RAVER2: variants seen among roughly 807,000 people sequenced by gnomAD.
RAVER2 encodes the protein ribonucleoprotein, PTB binding 2.
Under a neutral mutation model 78.1 loss-of-function variants are expected in RAVER2, and 46 were observed. That is an observed-to-expected ratio of 0.59 (90% CI 0.46 to 0.75). The LOEUF (loss-of-function observed/expected upper bound fraction) is 0.75, where lower values mean the gene tolerates loss of function less well. Among genes scored for constraint, RAVER2 ranks in the 30% least tolerant of loss-of-function variants. RAVER2 has a pLI of 0.00. For missense variants in RAVER2, 793 were observed against 837.5 expected (o/e 0.95, Z 0.66); for synonymous variants, 311 against 313.3 (o/e 0.99, Z 0.08).
intron 1 of RAVER2, among the ~76,000 whole-genome samples, chr1:64,754,296 T>G (rs768395746): frequency 4.6e-5 from 7 of 152,202 alleles, no homozygotes; most frequent in Non-Finnish European, 7.3e-5. Flanking sequence ...CCCATTGTAT[T>G]ATAATTCCTC....
At chr1:64,794,612 T>G (rs1653045169) in intron 5 of RAVER2, among the ~76,000 whole-genome samples, 1 of 152,132 alleles carries the variant, frequency 6.6e-6, no homozygotes, top group African/African-American at 2.4e-5. Context: ...ATTTTGAGCT[T>G]CTTTTATTGT....
chr1:64,788,472 AAAAAAT>A (rs1268571489), intron 4 of RAVER2, among the ~76,000 whole-genome samples: 2 of 151,726 alleles, frequency 1.3e-5, no homozygotes, highest in African/African-American at 4.8e-5. Context: ...ACTCCGTCTC[AAAAAAT>A]AAAAATAAAA....
intron 11 of RAVER2, among the ~76,000 whole-genome samples, chr1:64,817,908 A>T (rs1333068465): frequency 2.6e-5 from 4 of 152,250 alleles, no homozygotes; most frequent in Admixed American, 2.6e-4. Flanking sequence ...TAATAAAAAA[A>T]AAACCTTGTG....
At chr1:64,812,477 A>G (rs895181391) in intron 9 of RAVER2, among the ~76,000 whole-genome samples, 23 of 152,012 alleles carry the variant, frequency 1.5e-4, no homozygotes, top group Admixed American at 8.5e-4. Context: ...GTGAAGATGA[A>G]TTCTTTCCTG....
At chr1:64,749,233 C>T (rs201047129) in intron 1 of RAVER2, among the ~76,000 whole-genome samples, 1 of 152,002 alleles carries the variant, frequency 6.6e-6, no homozygotes, top group African/African-American at 2.4e-5. Flanking sequence ...TTTTTTGAGA[C>T]GGATTCTCAC....
At chr1:64,759,131 C>T (rs1651938120) in intron 1 of RAVER2, among the ~76,000 whole-genome samples, 1 of 151,686 alleles carries the variant, frequency 6.6e-6, no homozygotes, top group Non-Finnish European at 1.5e-5. Flanking sequence ...AAGTGAGTTA[C>T]AAATTAGGTT....
intron 1 of RAVER2, among the ~76,000 whole-genome samples, chr1:64,748,146 T>TA (rs544879541): frequency 7.9e-5 from 12 of 151,950 alleles, no homozygotes; most frequent in Non-Finnish European, 1.3e-4. Context: ...GTACCGGCTC[T>TA]AAAAAAAAGT....
intron 10 of RAVER2, among the ~76,000 whole-genome samples, chr1:64,814,494 T>A (rs1358106377): frequency 6.6e-6 from 1 of 152,120 alleles, no homozygotes; most frequent in Non-Finnish European, 1.5e-5. Context: ...AAGACAGTAT[T>A]ATATACTTCT....
At chr1:64,833,128 A>C in exon 12 of RAVER2, 6 of 179,330 alleles carry the variant, frequency 3.3e-5, no homozygotes, top group East Asian at 9.3e-5. Flanking sequence ...ACCGTAACCC[A>C]CCCCTTCCTC....
intron 11 of RAVER2, among the ~76,000 whole-genome samples, chr1:64,826,561 A>C (rs1654007690): frequency 6.6e-6 from 1 of 152,162 alleles, no homozygotes; most frequent in Non-Finnish European, 1.5e-5. Context: ...ATGATGTCAC[A>C]GTGGGGTCGG....
intron 2 of RAVER2, among the ~76,000 whole-genome samples, chr1:64,773,560 T>C (rs1652379812): frequency 6.6e-6 from 1 of 152,236 alleles, no homozygotes; most frequent in Admixed American, 6.5e-5. Context: ...TGTGCCACAT[T>C]TTCTTAATCC....
Position 64,745,572 on chromosome 1 carries a change from G to C in RAVER2, c.249+151G>C. The C allele has an allele frequency of 9.0e-7, 1 of 1,113,878 alleles. No homozygotes were observed. The highest frequency in any genetic ancestry group is 3.4e-4 in the Middle Eastern group (1 of 2,916). The allele number at this position is 1,113,878 out of a possible 1,614,324, so 69.0% of individuals were successfully genotyped here. ...GGCCCCTCGGTTTGACTGAGTTCTT[G>C]GGGTTTCTAGCCTGCAGACGCCCTG... On this transcript the variant is annotated intron_variant, in intron 1 of 11. Coordinates refer to ENST00000294428, the Ensembl canonical transcript of RAVER2. This position sits in a 1 kb window ranked among gnomAD's most constrained non-coding sequence, Gnocchi z 4.3.
At chr1:64,776,882 C>T (rs930682902) in intron 2 of RAVER2, among the ~76,000 whole-genome samples, 1 of 152,026 alleles carries the variant, frequency 6.6e-6, no homozygotes, top group African/African-American at 2.4e-5. Flanking sequence ...TTATATAAGC[C>T]GTCATATGCA....
rs558929613 is a variant in RAVER2, at chr1:64,804,456, A to C, written c.1192-278A>C. On this transcript the variant is annotated intron_variant, in intron 6 of 11. Coordinates refer to ENST00000294428, the Ensembl canonical transcript of RAVER2. The stretch of plus-strand genomic sequence containing the variant: ...TGTTGAATGATTAAATGAATAAATA[A>C]ATGAATGAATAGAATGTCACTGTCA... Among the ~76,000 whole-genome samples, 12 of 152,336 alleles carry C rather than the reference A, an allele frequency of 7.9e-5. No homozygotes were observed. In the East Asian group the frequency reaches 2.3e-3, roughly 29 times the overall value.
At chr1:64,794,043 T>G (rs6699128) in intron 5 of RAVER2, among the ~76,000 whole-genome samples, 7 of 152,192 alleles carry the variant, frequency 4.6e-5, no homozygotes, top group African/African-American at 1.7e-4. Flanking sequence ...TTCTTATGCT[T>G]TTATTCTCTT....
chr1:64,812,623 C>T, intron 9 of RAVER2, 115 bp from the exon 10 acceptor site: 1 of 606,932 alleles, frequency 1.6e-6, no homozygotes, highest in Non-Finnish European at 2.7e-6. Flanking sequence ...AGTGAACATC[C>T]ATAAATATTT....
chr1:64,832,018 A>G (rs1412915954), exon 12 of RAVER2: 2 of 145,954 alleles, frequency 1.4e-5, no homozygotes, highest in Non-Finnish European at 2.9e-5. Context: ...TAATTCTAAT[A>G]GCAACTATTC....
At chr1:64,776,206 G>A (rs1462043508) in intron 2 of RAVER2, among the ~76,000 whole-genome samples, 1 of 151,930 alleles carries the variant, frequency 6.6e-6, no homozygotes, top group Non-Finnish European at 1.5e-5. Flanking sequence ...TTTTATGTCA[G>A]CATAAGGAAA....
At chr1:64,776,824 C>T (rs1219397463) in intron 2 of RAVER2, among the ~76,000 whole-genome samples, 1 of 152,054 alleles carries the variant, frequency 6.6e-6, no homozygotes, top group Non-Finnish European at 1.5e-5. Context: ...TATGAATGTA[C>T]ATAATATTTC....
Sources: allele counts gnomAD v4.1 joint callset (sites outside exome capture counted in the v4.1 genomes callset), GRCh38; gene constraint gnomAD v4.1.1; non-coding constraint Gnocchi (gnomAD v3.1); transcripts MANE v1.5; gene names NCBI Gene and HGNC (gene_info 2026-07-23, HGNC 2026-07-21).